The following SEPTIN2 variants were observed in gnomAD, a reference collection of about 807,000 sequenced individuals.
SEPTIN2 encodes the protein septin-2.
SEPTIN2 carries 34 observed loss-of-function variants against 46.5 expected under a neutral mutation model. The observed-to-expected ratio is 0.73, with a 90% CI of 0.56 to 0.97. The LOEUF (loss-of-function observed/expected upper bound fraction) is 0.97, where lower values mean the gene tolerates loss of function less well. SEPTIN2 is among the 50% of genes least tolerant of loss of function. SEPTIN2 has a pLI of 0.00. For synonymous variants in SEPTIN2, 175 were observed against 153.4 expected (o/e 1.14, Z -1.04); for missense variants, 347 against 448.4 (o/e 0.77, Z 2.04).
rs375641314 is a variant in SEPTIN2, at chr2:241,337,806, G to A, written c.594+16G>A. ...GAAGAAAAGGGTGAGTGAGGCTGGC[G>A]TCCTGCCCTCCCTCTGGGTGCGACT... On this transcript the variant is annotated intron_variant, in intron 7 of 12. Transcript: ENST00000391971. 49 of 1,573,690 alleles carry A rather than the reference G, an allele frequency of 3.1e-5. No individual in the cohort carries two copies. Among genetic ancestry groups the A allele is most frequent in the Admixed American group, 6.7e-5 (4 of 59,820 alleles).
At chr2:241,323,305 G>A (rs996838414) in intron 1 of SEPTIN2, among the ~76,000 whole-genome samples, 2 of 152,072 alleles carry the variant, frequency 1.3e-5, no homozygotes, top group Non-Finnish European at 2.9e-5. Flanking sequence ...TGAGTAGCTG[G>A]GATCACAGGC....
chr2:241,316,203 C>G, intron 1 of SEPTIN2: 1 of 315,218 alleles, frequency 3.2e-6, no homozygotes, highest in Non-Finnish European at 5.8e-6. Flanking sequence ...GTGGCTCCGA[C>G]ACGGGCAGGC....
chr2:241,315,490 T>C, upstream of SEPTIN2: 1 of 152,818 alleles, frequency 6.5e-6, no homozygotes, highest in Middle Eastern at 3.3e-3. Flanking sequence ...TCTCTCCTCC[T>C]CAGTGGGCAC....
At chr2:241,342,883 T>C in intron 7 of SEPTIN2, 109 bp from the exon 8 acceptor site, 1 of 656,788 alleles carries the variant, frequency 1.5e-6, no homozygotes, top group Non-Finnish European at 2.7e-6. Context: ...TCAGTTTGAT[T>C]ATTGACATTT....
chr2:241,347,221 G>T (rs1204232199), intron 10 of SEPTIN2, among the ~76,000 whole-genome samples: 1 of 152,122 alleles, frequency 6.6e-6, no homozygotes, highest in East Asian at 1.9e-4. Context: ...GCTCCAGACT[G>T]GGCAACAGAG....
chr2:241,325,829 T>C, intron 2 of SEPTIN2, 164 bp from the exon 3 acceptor site: 1 of 549,026 alleles, frequency 1.8e-6, no homozygotes, highest in Non-Finnish European at 3.1e-6. Flanking sequence ...CCTAGTTGAA[T>C]ACTACTGGTT....
Position 241,346,203 on chromosome 2 carries a change from C to G in SEPTIN2, c.880C>G (p.Leu294Val). 3.1e-6 allele frequency: 5 copies of G among 1,613,948 alleles called. No individual in the cohort carries two copies. The highest frequency in any genetic ancestry group is 4.2e-6 in the Non-Finnish European group (5 of 1,179,934). Residue 294 changes from leucine (L) to valine (V), a missense_variant, in exon 10 of 13, where the codon CTT (leucine) becomes GTT (valine). Leu to Val is a conservative substitution (Grantham distance 32, BLOSUM62 1). Coordinates refer to ENST00000391971, the MANE Select transcript of SEPTIN2 (RefSeq NM_004404.5). ...MQDLQEVTQDLHYENFRSERL... is the reference protein window; with the variant it reads ...MQDLQEVTQDVHYENFRSERL... ...GGATCTCCAGGAGGTGACCCAGGAC[C>G]TTCATTATGAAAACTTCCGTTCTGA...
Position 241,316,714 on chromosome 2 carries a change from G to A in SEPTIN2, c.-18+732G>A, listed in dbSNP as rs754605929. 1.3e-5 allele frequency: 6 copies of A among 478,232 alleles called. No homozygotes were observed. In the East Asian group the frequency reaches 1.8e-4, roughly 14 times the overall value. The allele number at this position is 478,232 out of a possible 1,614,324, so 29.6% of individuals were successfully genotyped here. On this transcript the variant is annotated intron_variant, in intron 1 of 12. Coordinates refer to ENST00000391971, the MANE Select transcript of SEPTIN2 (RefSeq NM_004404.5). The stretch of plus-strand genomic sequence containing the variant: ...CCTGGCTTGCTTTTTTACCTTTTCG[G>A]TCTAATTCTTGTCAGTGCCACCAGA...
intron 3 of SEPTIN2, among the ~76,000 whole-genome samples, chr2:241,331,751 A>G (rs1432431730): frequency 6.6e-6 from 1 of 152,232 alleles, no homozygotes; most frequent in Non-Finnish European, 1.5e-5. Flanking sequence ...GTAAATGTAG[A>G]GGGCCTAGAA....
intron 1 of SEPTIN2, among the ~76,000 whole-genome samples, chr2:241,323,705 C>T (rs1161074634): frequency 6.6e-6 from 1 of 152,192 alleles, no homozygotes; most frequent in South Asian, 2.1e-4. Context: ...AGAGTGTAAG[C>T]GAGCTACACC....
At chr2:241,318,702 C>CTTT (rs1284874061) in intron 1 of SEPTIN2, among the ~76,000 whole-genome samples, 16 of 132,404 alleles carry the variant, frequency 1.2e-4, no homozygotes, top group East Asian at 8.7e-4. Flanking sequence ...TTTGTATTTT[C>CTTT]TTTTTTTTTT....
At chr2:241,325,197 C>T (rs961189953) in intron 2 of SEPTIN2, 1 of 152,132 alleles carries the variant, frequency 6.6e-6, no homozygotes, top group African/African-American at 2.4e-5. Context: ...AAAGGAAATA[C>T]TATTTTGTAT....
In SEPTIN2 at chr2:241,348,023, AAG is replaced by A. The variant is rs758977114; in HGVS notation, c.927-107_927-106del. 2.7e-4 allele frequency: 228 copies of A among 846,792 alleles called. No homozygotes were observed. In the East Asian group the frequency reaches 5.4e-3, roughly 20 times the overall value. The allele number at this position is 846,792 out of a possible 1,614,324, so 52.5% of individuals were successfully genotyped here. The stretch of plus-strand genomic sequence containing the variant: ...GAGTGAGACACCATCTCAATATAAA[AAG>A]AGAAATGATAAATACATGTCATTTT... On this transcript the variant is annotated intron_variant, in intron 10 of 12. Coordinates refer to ENST00000391971, the MANE Select transcript of SEPTIN2 (RefSeq NM_004404.5).
rs955257004 is a variant in SEPTIN2, at chr2:241,343,604, T to A, written c.697-148T>A. The A allele has an allele frequency of 3.6e-6, 3 of 840,902 alleles. No individual in the cohort carries two copies. In the Middle Eastern group the frequency reaches 1.1e-3, roughly 297 times the overall value. The allele number at this position is 840,902 out of a possible 1,614,324, so 52.1% of individuals were successfully genotyped here. On this transcript the variant is annotated intron_variant, in intron 8 of 12. Coordinates refer to ENST00000391971, the MANE Select transcript of SEPTIN2 (RefSeq NM_004404.5). ...TCCCATGTAGAAAGTATCTGACACT[T>A]TTCAAGAAAATGTTACATACCCCCA... is the stretch of plus-strand genomic sequence containing the variant.
At chr2:241,328,715 C>T (rs965576964) in intron 3 of SEPTIN2, among the ~76,000 whole-genome samples, 4 of 151,592 alleles carry the variant, frequency 2.6e-5, no homozygotes, top group South Asian at 2.1e-4. Context: ...GCACTCCAGC[C>T]GGGGCAACAA....
intron 11 of SEPTIN2, among the ~76,000 whole-genome samples, chr2:241,348,901 A>C (rs1318337392): frequency 6.6e-6 from 1 of 152,230 alleles, no homozygotes; most frequent in Non-Finnish European, 1.5e-5. Context: ...GGAAACAAAA[A>C]GAAAATACTT....
rs558643558 is a variant in SEPTIN2 at position 241,333,661 on chromosome 2, G to A, written c.131-1465G>A. ...TGGGACTACAGGCGCCCGCCACCAC[G>A]CCCGGCTAATTTTTTGTATTTTTAG... On this transcript the variant is annotated intron_variant, in intron 3 of 12. Transcript: ENST00000391971. 1.1e-4 allele frequency among the ~76,000 whole-genome samples: 17 copies of A among 151,536 alleles called. No individual in the cohort carries two copies. In the East Asian group the frequency reaches 2.4e-3, roughly 21 times the overall value.
chr2:241,337,200 A>T, intron 5 of SEPTIN2, 182 bp from the exon 6 acceptor site: 1 of 580,080 alleles, frequency 1.7e-6, no homozygotes, highest in Non-Finnish European at 2.9e-6. Flanking sequence ...AGGGGCAGTT[A>T]TGCTTGGCAT....
intron 7 of SEPTIN2, among the ~76,000 whole-genome samples, chr2:241,340,308 C>T (rs2081084719): frequency 6.6e-6 from 1 of 152,246 alleles, no homozygotes; most frequent in Middle Eastern, 3.4e-3. Flanking sequence ...GGACTTGGCT[C>T]TTGCTTTTTT....
Sources: allele counts gnomAD v4.1 joint callset (sites outside exome capture counted in the v4.1 genomes callset), GRCh38; gene constraint gnomAD v4.1.1; transcripts MANE v1.5; gene names NCBI Gene and HGNC (gene_info 2026-07-23, HGNC 2026-07-21).